ZNF235: variants seen among roughly 807,000 people sequenced by gnomAD.
The protein encoded by ZNF235 is zinc finger protein 235.
ZNF235 carries 25 observed loss-of-function variants against 29.4 expected under a neutral mutation model. The ratio of observed to expected loss-of-function variants is 0.85; its 90% CI spans 0.62 to 1.19. The LOEUF (loss-of-function observed/expected upper bound fraction) is 1.19. Ranked by LOEUF, ZNF235 falls within the 50% of genes most tolerant of loss-of-function variation. ZNF235 has a pLI of 0.00. For synonymous variants in ZNF235, 300 were observed against 295.3 expected, an observed-to-expected ratio of 1.02 and a Z score of -0.16; for missense variants, 788 against 885.0, an observed-to-expected ratio of 0.89 and a Z score of 1.39.
Position 44,303,400 on chromosome 19 carries a change from G to A in ZNF235, c.5C>T (p.Thr2Ile), listed in dbSNP as rs755780910. The change falls in exon 2 of 5, where the codon ACC becomes ATC. Residue 2 changes from threonine (T) to isoleucine (I), a missense_variant. Thr to Ile is a moderately conservative substitution (Grantham distance 89). Transcript: ENST00000291182. ...GCAAACCAAACTTACCTGGAACTTG[G>A]TCATTTTTCCCCTCCTCCTTCTGGG... is the stretch of plus-strand genomic sequence containing the variant. M[T>I]KFQEAVTFKD... 1 of 1,611,116 alleles carries A rather than the reference G, an allele frequency of 6.2e-7. No homozygotes were observed.
intron 4 of ZNF235, among the ~76,000 whole-genome samples, chr19:44,291,502 T>C (rs1975583812): frequency 6.6e-6 from 1 of 151,956 alleles, no homozygotes; most frequent in Non-Finnish European, 1.5e-5. Context: ...GAAAGAACAA[T>C]AAAATTAATA....
chr19:44,297,747 G>C (rs954785483), intron 4 of ZNF235, among the ~76,000 whole-genome samples: 3 of 152,172 alleles, frequency 2.0e-5, no homozygotes, highest in African/African-American at 7.2e-5. Flanking sequence ...ACAGGCATGA[G>C]CCACCGCGCC....
At chr19:44,290,142 G>C (rs965447275) in intron 4 of ZNF235, 1 of 152,508 alleles carries the variant, frequency 6.6e-6, no homozygotes, top group African/African-American at 2.4e-5. Flanking sequence ...CCAACCAGTG[G>C]TGCTGGTATC....
At position 44,288,503 on chromosome 19, in the gene ZNF235, C is replaced by T. The variant is rs372434981; in HGVS notation, c.932G>A (p.Ser311Asn). The change falls in exon 5 of 5, where the codon AGT becomes AAT. Residue 311 changes from serine (S) to asparagine (N), a missense_variant. Physicochemically the swap from Ser to Asn is conservative, Grantham distance 46. Coordinates refer to ENST00000291182, the MANE Select transcript of ZNF235 (RefSeq NM_004234.4). ...SYSSGIPVQQ[S>N]VRTGKKRYWC... ...ATAGCGTTTTTTCCCAGTACGAACA[C>T]TTTGTTGAACAGGAATACCTGAGCT... 16 of 1,614,184 alleles carry T rather than the reference C, an allele frequency of 9.9e-6. No individual in the cohort carries two copies. Among genetic ancestry groups the T allele is most frequent in the Non-Finnish European group, 1.3e-5 (15 of 1,180,032 alleles).
chr19:44,302,980 ATTT>A (rs1599894898), intron 2 of ZNF235, among the ~76,000 whole-genome samples: 2 of 123,096 alleles, frequency 1.6e-5, no homozygotes, highest in East Asian at 4.2e-4. Flanking sequence ...ATATGTATAT[ATTT>A]ATATATAAAT....
intron 4 of ZNF235, among the ~76,000 whole-genome samples, chr19:44,297,620 C>T (rs1277532880): frequency 5.9e-5 from 9 of 152,034 alleles, no homozygotes; most frequent in African/African-American, 1.4e-4. Context: ...TGTGCCACCA[C>T]GCCCAGCTAA....
chr19:44,294,746 G>A (rs1357982828), intron 4 of ZNF235, among the ~76,000 whole-genome samples: 2 of 148,630 alleles, frequency 1.3e-5, no homozygotes, highest in African/African-American at 2.5e-5. Context: ...CACCATGATC[G>A]AGTGGGTTTT....
chr19:44,288,933 T>C lies in ZNF235; in HGVS notation c.502A>G (p.Ile168Val). 2 of 1,614,108 alleles carry C rather than the reference T, an allele frequency of 1.2e-6. No individual in the cohort carries two copies. Among genetic ancestry groups the C allele is most frequent in the Non-Finnish European group, 1.7e-6 (2 of 1,180,002 alleles). Residue 168 changes from isoleucine to valine, a missense_variant, in exon 5 of 5, where the codon ATC becomes GTC. Transcript: ENST00000291182. The stretch of plus-strand genomic sequence containing the variant: ...GTTGGAAATTCTTGATTTTCAATGA[T>C]ACTGGAATGATCCCCTATGTGATTC... ...LVNHIGDHSSIIENQEFPTGK... is the reference protein window; with the variant it reads ...LVNHIGDHSSVIENQEFPTGK...
At position 44,288,328 on chromosome 19, in the gene ZNF235, G is replaced by A. The variant is rs755286152; in HGVS notation, c.1107C>T (p.His369=). 6.2e-7 allele frequency: 1 copy of A among 1,614,020 alleles called. No individual in the cohort carries two copies. The highest frequency in any genetic ancestry group is 2.2e-5 in the East Asian group (1 of 44,846). The change falls in exon 5 of 5, where the codon CAC becomes CAT. Residue 369 remains histidine (H), a synonymous_variant. Coordinates refer to ENST00000291182, the MANE Select transcript of ZNF235 (RefSeq NM_004234.4). ...CACATCTATAGGGCTTCTCTCCTGT[G>A]TGAATAGGCAAATGAGCATAAAGAT... The part of the protein sequence containing the change: ...SSHLYAHLPI[H]TGEKPYRCDS...
At chr19:44,291,763 T>C (rs896843737) in intron 4 of ZNF235, among the ~76,000 whole-genome samples, 1 of 152,134 alleles carries the variant, frequency 6.6e-6, no homozygotes, top group African/African-American at 2.4e-5. Flanking sequence ...TACTTACAAA[T>C]ATTTCCACAA....
At position 44,287,253 on chromosome 19, in the gene ZNF235, A is replaced by G; in HGVS notation, c.2182T>C (p.Tyr728His). ...KGFSQRSHLI[Y>H]HQRVHTGGNL is the part of the protein sequence containing the mutation. ...CCTCCAGTGTGGACTCTCTGATGGT[A>G]GATGAGATGTGACCTCTGACTGAAG... The change falls in exon 5 of 5, where the codon TAC (tyrosine) becomes CAC (histidine). Residue 728 changes from tyrosine to histidine, a missense_variant. By Grantham distance (83) the Tyr-to-His change is moderately conservative. Transcript: ENST00000291182. 4 of 1,607,698 alleles carry G rather than the reference A, an allele frequency of 2.5e-6. No individual in the cohort carries two copies. Among genetic ancestry groups the G allele is most frequent in the Non-Finnish European group, 3.4e-6 (4 of 1,176,608 alleles).
Position 44,288,842 on chromosome 19 carries a change from C to A in ZNF235, c.593G>T (p.Cys198Phe). 1 of 1,613,522 alleles carries A rather than the reference C, an allele frequency of 6.2e-7. No individual in the cohort carries two copies. The highest frequency in any genetic ancestry group is 8.5e-7 in the Non-Finnish European group (1 of 1,179,718). The change falls in exon 5 of 5, where the codon TGT (cysteine) becomes TTT (phenylalanine). Residue 198 changes from cysteine to phenylalanine, a missense_variant. Coordinates refer to ENST00000291182, the MANE Select transcript of ZNF235 (RefSeq NM_004234.4). ...TTTGTTTTTCATCTGAGTCTGCTTA[C>A]AACTTCTCTGATAATTCTGTGTCTC... ...LNETQNYQRS[C>F]KQTQMKNKLC...
At position 44,287,725 on chromosome 19, in the gene ZNF235, G is replaced by C; in HGVS notation, c.1710C>G (p.Pro570=). ...CCTTACCACACTCTTCACATTTGTA[G>C]GGTTTCTCTCCGGTGTGGACTCTCT... The part of the protein sequence containing the change: ...NHQRVHTGEK[P]YKCEECGKGF... The change falls in exon 5 of 5, where the codon CCC becomes CCG. Residue 570 remains proline (P), a synonymous_variant. Transcript: ENST00000291182. 6.2e-7 allele frequency: 1 copy of C among 1,606,168 alleles called. No individual in the cohort carries two copies. Among genetic ancestry groups the C allele is most frequent in the Non-Finnish European group, 8.5e-7 (1 of 1,177,374 alleles).
chr19:44,303,342 G>A, intron 2 of ZNF235, 48 bp downstream of exon 2: 1 of 1,595,128 alleles, frequency 6.3e-7, no homozygotes, highest in Non-Finnish European at 8.6e-7. Context: ...TCCAATCTTT[G>A]TGAAATGAGA....
Position 44,289,034 on chromosome 19 carries a change from G to C in ZNF235, c.401C>G (p.Pro134Arg). 6.2e-7 allele frequency: 1 copy of C among 1,614,056 alleles called. No homozygotes were observed. The highest frequency in any genetic ancestry group is 2.2e-5 in the East Asian group (1 of 44,866). Residue 134 changes from proline (P) to arginine (R), a missense_variant, in exon 5 of 5, where the codon CCC becomes CGC. Pro to Arg is a moderately radical substitution (Grantham distance 103). Transcript: ENST00000291182. ...INIEGKSSQF[P>R]KHHDSPCQVG... ...TTGACAGGGGGAATCATGGTGCTTG[G>C]GGAACTGAGAGCTCTTTCCTTCAAT...
chr19:44,292,696 T>C (rs1975601152), intron 4 of ZNF235, among the ~76,000 whole-genome samples: 1 of 151,920 alleles, frequency 6.6e-6, no homozygotes, highest in Admixed American at 6.6e-5. Flanking sequence ...GAGGAAAACT[T>C]CCTTAATCTA....
Position 44,292,797 on chromosome 19 carries a change from A to T in ZNF235, c.239-3601T>A, listed in dbSNP as rs55947208. Reference sequence around the variant, plus strand: ...GAACTCACCACAGCATACAGTCATCAGACTAAGGTTTATATGAAGGATAAA... The same window carrying T: ...GAACTCACCACAGCATACAGTCATCTGACTAAGGTTTATATGAAGGATAAA... On this transcript the variant is annotated intron_variant, in intron 4 of 4. Coordinates refer to ENST00000291182, the MANE Select transcript of ZNF235 (RefSeq NM_004234.4). 9.7e-3 allele frequency among the ~76,000 whole-genome samples: 1,471 copies of T among 152,198 alleles called. 28 individuals are homozygous for T. The highest frequency in any genetic ancestry group is 0.034 in the African/African-American group (1,408 of 41,564).
chr19:44,302,968 ATATATG>A (rs1975766671), intron 2 of ZNF235, among the ~76,000 whole-genome samples: 1 of 129,970 alleles, frequency 7.7e-6, no homozygotes, highest in Non-Finnish European at 1.5e-5. Context: ...ATATATACGT[ATATATG>A]TATATATTTA....
chr19:44,303,751 A>G (rs1356177081), intron 1 of ZNF235, among the ~76,000 whole-genome samples: 2 of 152,250 alleles, frequency 1.3e-5, no homozygotes, highest in African/African-American at 4.8e-5. Context: ...TAACAGAGCC[A>G]AAATGCCTGG....
Sources: gnomAD v4.1 joint callset for allele counts (sites outside exome capture counted in the v4.1 genomes callset) on GRCh38, gnomAD v4.1.1 for gene constraint, MANE v1.5 for transcripts, NCBI Gene and HGNC (gene_info 2026-07-23, HGNC 2026-07-21) for gene names.